Variants in FKBP5 observed in about 807,000 individuals in gnomAD.
FKBP5 encodes the protein FKBP prolyl isomerase 5, also known as peptidyl-prolyl cis-trans isomerase FKBP5.
A neutral mutation model predicts 50.5 loss-of-function variants in FKBP5; 23 were observed. The observed-to-expected ratio is 0.46, with a 90% CI of 0.33 to 0.65. The LOEUF (loss-of-function observed/expected upper bound fraction) is 0.65, where lower values mean the gene tolerates loss of function less well. Among genes scored for constraint, FKBP5 ranks in the 30% least tolerant of loss-of-function variants. The pLI is 0.02. For missense variants in FKBP5, 411 were observed against 553.1 expected (o/e 0.74, Z 2.58); for synonymous variants, 176 against 190.6 (o/e 0.92, Z 0.63).
chr6:35,676,406 G>C (rs888499472), intron 1 of FKBP5, among the ~76,000 whole-genome samples: 1 of 152,118 alleles, frequency 6.6e-6, no homozygotes, highest in Admixed American at 6.6e-5. Context: ...GAACTGCAGA[G>C]GGACCTTAAG....
intron 2 of FKBP5, among the ~76,000 whole-genome samples, chr6:35,641,612 T>C (rs1725044416): frequency 6.6e-6 from 1 of 152,218 alleles, no homozygotes; most frequent in African/African-American, 2.4e-5. Context: ...TATAGTGCTT[T>C]AATAAGTAGG....
At chr6:35,627,434 A>C (rs980230677) in intron 3 of FKBP5, among the ~76,000 whole-genome samples, 2 of 152,122 alleles carry the variant, frequency 1.3e-5, no homozygotes, top group African/African-American at 4.8e-5. Flanking sequence ...TGGCCACTGC[A>C]ACTGGTCCTT....
chr6:35,652,912 T>G (rs539121950), intron 1 of FKBP5, among the ~76,000 whole-genome samples: 14 of 152,294 alleles, frequency 9.2e-5, no homozygotes, highest in Non-Finnish European at 1.6e-4. Context: ...GCTTTAAAAT[T>G]TCTCTCTTTT....
intron 8 of FKBP5, chr6:35,582,549 G>T: frequency 1.7e-6 from 1 of 603,834 alleles, no homozygotes; most frequent in Non-Finnish European, 2.1e-6. Flanking sequence ...CAAGGAACCA[G>T]AGGAGAGGCC....
At chr6:35,722,197 C>T (rs1030193275) in intron 1 of FKBP5, among the ~76,000 whole-genome samples, 2 of 151,936 alleles carry the variant, frequency 1.3e-5, no homozygotes, top group African/African-American at 4.8e-5. Context: ...ATGGCCTGTC[C>T]CCTTCCCAAC....
At chr6:35,620,100 T>A in intron 4 of FKBP5, 32 bp downstream of exon 4, 1 of 1,613,896 alleles carries the variant, frequency 6.2e-7, no homozygotes, top group Non-Finnish European at 8.5e-7. Context: ...GTAGAGCAGA[T>A]GCTGACAAGG....
At chr6:35,714,569 C>T (rs1265572323) in intron 2 of FKBP5, among the ~76,000 whole-genome samples, 1 of 151,724 alleles carries the variant, frequency 6.6e-6, no homozygotes, top group South Asian at 2.1e-4. Context: ...GTAATCACAG[C>T]ACTTTGGGAG....
intron 1 of FKBP5, among the ~76,000 whole-genome samples, chr6:35,668,275 T>G (rs2151003249): frequency 6.6e-6 from 1 of 152,304 alleles, no homozygotes; most frequent in Admixed American, 6.5e-5. Flanking sequence ...GGAAACAGCA[T>G]CCCGGGACTT....
At chr6:35,588,636 TGTC>T (rs1214370481) in intron 7 of FKBP5, among the ~76,000 whole-genome samples, 20 of 152,136 alleles carry the variant, frequency 1.3e-4, no homozygotes, top group Admixed American at 4.6e-4. Flanking sequence ...GATCTTGCTC[TGTC>T]GTCCAGGCTG....
At chr6:35,616,823 A>G (rs1763675412) in intron 5 of FKBP5, among the ~76,000 whole-genome samples, 1 of 152,206 alleles carries the variant, frequency 6.6e-6, no homozygotes, top group Non-Finnish European at 1.5e-5. Context: ...TTGTACATAC[A>G]TTTGAAATTT....
intron 1 of FKBP5, among the ~76,000 whole-genome samples, chr6:35,660,402 G>A (rs1488910980): frequency 1.3e-5 from 1 of 78,016 alleles, no homozygotes; most frequent in African/African-American, 4.0e-5. Flanking sequence ...CTGAGTAGCT[G>A]GGATTATAGG....
chr6:35,615,559 T>G (rs765382480), intron 5 of FKBP5, among the ~76,000 whole-genome samples: 2 of 152,116 alleles, frequency 1.3e-5, no homozygotes, highest in Non-Finnish European at 2.9e-5. Context: ...AGAATAGTAA[T>G]GAATAATAAC....
At chr6:35,599,242 T>G (rs1010471456) in intron 5 of FKBP5, among the ~76,000 whole-genome samples, 2 of 152,318 alleles carry the variant, frequency 1.3e-5, no homozygotes, top group South Asian at 2.1e-4. Flanking sequence ...TTGAACTACA[T>G]GATCTCAATG....
chr6:35,593,621 C>G (rs1280617093), intron 6 of FKBP5, among the ~76,000 whole-genome samples: 1 of 152,158 alleles, frequency 6.6e-6, no homozygotes, highest in Non-Finnish European at 1.5e-5. Context: ...GTGGCATGAT[C>G]TCAGCTCACT....
rs1033342131 is a variant in FKBP5, at chr6:35,574,642, G to C, written c.*1193C>G. 3 of 152,606 alleles carry C rather than the reference G, an allele frequency of 2.0e-5. No individual in the cohort carries two copies. Among genetic ancestry groups the C allele is most frequent in the Non-Finnish European group, 4.4e-5 (3 of 68,032 alleles). The allele number at this position is 152,606 out of a possible 1,614,324, so 9.5% of individuals were successfully genotyped here. On this transcript the variant is annotated 3_prime_UTR_variant, in exon 11 of 11. Transcript: ENST00000357266. ...CAGGGCAGGAAAAGCGAGCAACTGCGTGTCAAACCTGCAGGTGAAACCCCT... is the reference window on the plus strand; with the variant it reads ...CAGGGCAGGAAAAGCGAGCAACTGCCTGTCAAACCTGCAGGTGAAACCCCT...
At chr6:35,620,417 A>G in intron 3 of FKBP5, 143 bp from the exon 4 acceptor site, 1 of 755,552 alleles carries the variant, frequency 1.3e-6, no homozygotes, top group South Asian at 2.2e-5. Context: ...AGAGTGCTAC[A>G]TACAAATAAA....
At chr6:35,583,011 C>T (rs1762484088) in intron 8 of FKBP5, 1 of 906,878 alleles carries the variant, frequency 1.1e-6, no homozygotes, top group African/African-American at 1.8e-5. Context: ...CTCTTAAGTC[C>T]AGGAGTTCGA....
rs182912887 is a variant in FKBP5 at position 35,621,495 on chromosome 6, G to A, written c.251-1221C>T. 8.6e-5 allele frequency among the ~76,000 whole-genome samples: 13 copies of A among 151,898 alleles called. No individual in the cohort carries two copies. In the East Asian group the frequency reaches 2.1e-3, roughly 25 times the overall value. ...TAGCCAGGCATGGTAGTGCGTGCCT[G>A]TAATCCCAGCTACTTAGGAGGCTGA... is the stretch of plus-strand genomic sequence containing the variant. On this transcript the variant is annotated intron_variant, in intron 3 of 10. Coordinates refer to ENST00000357266, the MANE Select transcript of FKBP5 (RefSeq NM_004117.4).
chr6:35,623,445 T>C lies in FKBP5; in HGVS notation c.251-3171A>G, dbSNP rs371431870. Among the ~76,000 whole-genome samples, 31 of 152,346 alleles carry C rather than the reference T, an allele frequency of 2.0e-4. 1 individual carries two copies. The South Asian group carries it at 5.6e-3, about 27-fold the overall frequency. ...ACCAACAGTAATCTAATGAGACTACTTGTCCATGTATGTTTGCCTACTTTG... is the reference window on the plus strand; with the variant it reads ...ACCAACAGTAATCTAATGAGACTACCTGTCCATGTATGTTTGCCTACTTTG... On this transcript the variant is annotated intron_variant, in intron 3 of 10. Transcript: ENST00000357266.
Sources: allele counts gnomAD v4.1 joint callset (sites outside exome capture counted in the v4.1 genomes callset), GRCh38; gene constraint gnomAD v4.1.1; transcripts MANE v1.5; gene names NCBI Gene and HGNC (gene_info 2026-07-23, HGNC 2026-07-21).